The following TRPM3 variants were observed in gnomAD, a reference collection of about 807,000 sequenced individuals.
TRPM3 encodes long transient receptor potential channel 3.
TRPM3 carries 77 observed loss-of-function variants against 181.2 expected under a neutral mutation model. The ratio of observed to expected loss-of-function variants is 0.42; its 90% CI spans 0.35 to 0.51. TRPM3 has a LOEUF of 0.51. Ranked by LOEUF, TRPM3 falls within the 20% of genes least tolerant of loss-of-function variation. TRPM3 has a pLI of 0.01. For missense variants in TRPM3, 1,759 were observed against 2,196.7 expected (o/e 0.80, Z 3.98); for synonymous variants, 745 against 796.4 (o/e 0.94, Z 1.09).
chr9:70,958,821 GTAGCCATAA>G (rs1340827796), intron 1 of TRPM3, among the ~76,000 whole-genome samples: 6 of 151,500 alleles, frequency 4.0e-5, no homozygotes, highest in Admixed American at 1.3e-4. Context: ...GGAATACTAT[GTAGCCATAA>G]AAAATGATGA....
At chr9:71,222,610 C>A (rs183505606) in intron 1 of TRPM3, among the ~76,000 whole-genome samples, 2 of 152,282 alleles carry the variant, frequency 1.3e-5, no homozygotes, top group African/African-American at 2.4e-5. Flanking sequence ...ATCAAGTGAG[C>A]AATCACATTA....
chr9:71,044,465 G>A (rs1282892869), intron 1 of TRPM3, among the ~76,000 whole-genome samples: 2 of 152,126 alleles, frequency 1.3e-5, no homozygotes, highest in African/African-American at 2.4e-5. Context: ...TGTATGTTCA[G>A]CTTCCAGTCG....
rs75915188 is a variant in TRPM3 at position 70,558,187 on chromosome 9, C to T, written c.3224-4877G>A. On this transcript the variant is annotated intron_variant, in intron 22 of 25. Coordinates refer to ENST00000677713, the MANE Select transcript of TRPM3 (RefSeq NM_001366145.2). Reference sequence around the variant, plus strand: ...AAGGCTACCAAGTAGAGAAGGCCTGCCCAAGAGTGACTCTATCACAGAGAA... The same window carrying T: ...AAGGCTACCAAGTAGAGAAGGCCTGTCCAAGAGTGACTCTATCACAGAGAA... Among the ~76,000 whole-genome samples the T allele has an allele frequency of 5.8e-4, 89 of 152,226 alleles. 8 individuals are homozygous for T. In the East Asian group the frequency reaches 0.017, roughly 29 times the overall value.
intron 1 of TRPM3, among the ~76,000 whole-genome samples, chr9:70,985,735 C>T (rs573137259): frequency 6.6e-6 from 1 of 152,214 alleles, no homozygotes; most frequent in South Asian, 2.1e-4. Flanking sequence ...ATAATCTCTG[C>T]ACTCATGCAA....
At chr9:70,562,741 T>C (rs1279064372) in intron 22 of TRPM3, among the ~76,000 whole-genome samples, 2 of 152,176 alleles carry the variant, frequency 1.3e-5, no homozygotes, top group African/African-American at 2.4e-5. Context: ...CAAAAATTAT[T>C]TATTTGAAGA....
chr9:70,686,825 C>CTTTTTT (rs541527387), intron 8 of TRPM3, among the ~76,000 whole-genome samples: 3 of 75,002 alleles, frequency 4.0e-5, no homozygotes, highest in Admixed American at 1.4e-4. Context: ...TTTTCTTTTT[C>CTTTTTT]TTTTTTTTTT....
chr9:70,885,269 T>G (rs2096066957), intron 1 of TRPM3, among the ~76,000 whole-genome samples: 1 of 152,230 alleles, frequency 6.6e-6, no homozygotes, highest in African/African-American at 2.4e-5. Flanking sequence ...TGCTGTCTTG[T>G]GCCTTGTAGA....
At chr9:70,925,199 A>G (rs2096708906) in intron 1 of TRPM3, among the ~76,000 whole-genome samples, 1 of 152,154 alleles carries the variant, frequency 6.6e-6, no homozygotes, top group Non-Finnish European at 1.5e-5. Context: ...GATTGATTTG[A>G]GCCAGGTTGC....
intron 1 of TRPM3, among the ~76,000 whole-genome samples, chr9:70,983,017 GTCTT>G (rs1374312642): frequency 3.3e-5 from 5 of 152,118 alleles, no homozygotes. Flanking sequence ...TAAATTTTAA[GTCTT>G]TCTTTCCTGA....
At chr9:70,610,153 G>A (rs1367468860) in intron 19 of TRPM3, among the ~76,000 whole-genome samples, 1 of 151,474 alleles carries the variant, frequency 6.6e-6, no homozygotes, top group Admixed American at 6.6e-5. Context: ...AGTTACACAT[G>A]CACACACACG....
chr9:70,563,701 G>A (rs1487567568), intron 22 of TRPM3, among the ~76,000 whole-genome samples: 2 of 152,334 alleles, frequency 1.3e-5, no homozygotes, highest in South Asian at 2.1e-4. Context: ...ATGAGAGAGG[G>A]ATGGTGGAGG....
chr9:70,633,807 T>C (rs950907628), intron 12 of TRPM3, among the ~76,000 whole-genome samples: 3 of 152,192 alleles, frequency 2.0e-5, no homozygotes, highest in Admixed American at 2.0e-4. Flanking sequence ...TGACTTCACT[T>C]TGTAGGTTTC....
chr9:70,793,192 T>G (rs1014419217), intron 6 of TRPM3, among the ~76,000 whole-genome samples: 2 of 152,182 alleles, frequency 1.3e-5, no homozygotes, highest in African/African-American at 4.8e-5. Context: ...CAATGGCTTA[T>G]GCCGTAATCC....
At chr9:70,953,306 A>G (rs993438771) in intron 1 of TRPM3, among the ~76,000 whole-genome samples, 2 of 152,210 alleles carry the variant, frequency 1.3e-5, no homozygotes, top group Non-Finnish European at 2.9e-5. Flanking sequence ...GACTGTGTCC[A>G]TGAACATTCT....
rs573755646 is a variant in TRPM3, at chr9:70,652,170, T to C, written c.1346-11510A>G. On this transcript the variant is annotated intron_variant, in intron 9 of 25. Coordinates refer to ENST00000677713, the MANE Select transcript of TRPM3 (RefSeq NM_001366145.2). ...CGAACCTAGATAATTGAAAAGATGGTGGCTATATGAACAGAAATAGGAAAA... is the reference window on the plus strand; with the variant it reads ...CGAACCTAGATAATTGAAAAGATGGCGGCTATATGAACAGAAATAGGAAAA... Among the ~76,000 whole-genome samples the C allele has an allele frequency of 2.0e-5, 3 of 152,202 alleles. No individual in the cohort carries two copies. In the South Asian group the frequency reaches 6.2e-4, roughly 32 times the overall value.
At chr9:70,763,542 A>C (rs373712448) in intron 7 of TRPM3, among the ~76,000 whole-genome samples, 16 of 152,314 alleles carry the variant, frequency 1.1e-4, no homozygotes, top group Middle Eastern at 3.4e-3. Context: ...GTTGAAAAAA[A>C]TAATGCCAAA....
At chr9:71,207,491 T>C (rs979483924) in intron 1 of TRPM3, among the ~76,000 whole-genome samples, 1 of 152,142 alleles carries the variant, frequency 6.6e-6, no homozygotes, top group African/African-American at 2.4e-5. Context: ...TCTTTGATAG[T>C]GTGTCCCATC....
At chr9:70,877,517 C>T (rs758905743) in intron 1 of TRPM3, among the ~76,000 whole-genome samples, 31 of 151,906 alleles carry the variant, frequency 2.0e-4, no homozygotes, top group Non-Finnish European at 3.5e-4. Flanking sequence ...GGAACTGAAA[C>T]TCCCTACAGA....
chr9:70,962,963 A>G (rs1206054753), intron 1 of TRPM3, among the ~76,000 whole-genome samples: 2 of 152,132 alleles, frequency 1.3e-5, no homozygotes, highest in African/African-American at 4.8e-5. Flanking sequence ...TTTTTGGGTC[A>G]TTTTTGTAAT....
Sources: gnomAD v4.1 joint callset for allele counts (sites outside exome capture counted in the v4.1 genomes callset) on GRCh38, gnomAD v4.1.1 for gene constraint, MANE v1.5 for transcripts, NCBI Gene and HGNC (gene_info 2026-07-23, HGNC 2026-07-21) for gene names.